Variants in ABCA8 observed in about 807,000 individuals in gnomAD.
ABCA8 encodes ABC-type organic anion transporter ABCA8.
A neutral mutation model predicts 192.3 loss-of-function variants in ABCA8; 177 were observed. That is an observed-to-expected ratio of 0.92 (90% confidence interval 0.81 to 1.04). The LOEUF is 1.04. ABCA8 is among the 50% of genes least tolerant of loss of function. The pLI, the probability that ABCA8 is intolerant of heterozygous loss-of-function variation, is 0.00. For missense variants in ABCA8, 1,915 were observed against 1,904.8 expected (o/e 1.01, Z -0.10); for synonymous variants, 642 against 690.2 (o/e 0.93, Z 1.09).
Position 68,873,808 on chromosome 17 carries a change from C to A in ABCA8, c.4631+1452G>T, listed in dbSNP as rs141654973. Among the ~76,000 whole-genome samples, 3 of 152,308 alleles carry A rather than the reference C, an allele frequency of 2.0e-5. No individual in the cohort carries two copies. In the East Asian group the frequency reaches 5.8e-4, roughly 29 times the overall value. On this transcript the variant is annotated intron_variant, in intron 37 of 39. Coordinates refer to ENST00000586539, the MANE Select transcript of ABCA8 (RefSeq NM_001288985.2). ...CAACACAATTGGTTGAAGAGACTATCCCTTCCCCATCATGTATTCTTGGCA... is the reference window on the plus strand; with the variant it reads ...CAACACAATTGGTTGAAGAGACTATACCTTCCCCATCATGTATTCTTGGCA...
In ABCA8 at chr17:68,932,390, GA is replaced by G; in HGVS notation, c.694del (p.Ser232HisfsTer20). On this transcript the variant is annotated frameshift_variant, in exon 7 of 40. Transcript: ENST00000586539. LOFTEE classifies it high-confidence loss of function. ...TDLYLFSCIISFSSFIYYASV... is the reference protein window; with the variant it reads ...TDLYLFSCIIXFSSFIYYASV... ...TGCATAGTAAATGAATGAGGAAAATGAAATAATGCAGGAAAAAAGGTACAAA... is the reference window on the plus strand; with the variant it reads ...TGCATAGTAAATGAATGAGGAAAATGAATAATGCAGGAAAAAAGGTACAAA... 23 of 1,613,888 alleles carry G rather than the reference GA, an allele frequency of 1.4e-5. No individual in the cohort carries two copies. Among genetic ancestry groups the G allele is most frequent in the Non-Finnish European group, 1.8e-5 (21 of 1,179,802 alleles).
chr17:68,875,350 A>C lies in ABCA8; in HGVS notation c.4541T>G (p.Leu1514Arg), dbSNP rs1184566616. The C allele has an allele frequency of 6.2e-7, 1 of 1,614,172 alleles. No homozygotes were observed. Among genetic ancestry groups the C allele is most frequent in the Admixed American group, 1.7e-5 (1 of 60,016 alleles). Residue 1514 changes from leucine (L) to arginine (R), a missense_variant, in exon 37 of 40, where the codon CTG becomes CGG. By Grantham distance (102) the Leu-to-Arg change is moderately radical. Coordinates refer to ENST00000586539, the MANE Select transcript of ABCA8 (RefSeq NM_001288985.2). ...HLKSKFGKDY[L>R]LEMKVKNLAQ... ...CAGGTTCTTCACCTTCATCTCCAGC[A>C]GGTAATCTTTGCCAAATTTGCTTTT...
At chr17:68,924,992 G>T in intron 10 of ABCA8, 123 bp from the exon 11 acceptor site, 1 of 921,206 alleles carries the variant, frequency 1.1e-6, no homozygotes, top group Non-Finnish European at 1.6e-6. Flanking sequence ...TCAACAGCAG[G>T]TAATGCACGT....
intron 2 of ABCA8, chr17:68,945,025 A>G (rs932212490): frequency 2.0e-5 from 3 of 152,236 alleles, no homozygotes; most frequent in Non-Finnish European, 4.4e-5. Context: ...CCTCCTGCCC[A>G]TATCTCAAGC....
chr17:68,887,606 A>T (rs1239842175), intron 24 of ABCA8, 100 bp from the exon 25 acceptor site: 2 of 1,026,794 alleles, frequency 1.9e-6, no homozygotes, highest in African/African-American at 3.2e-5. Context: ...ACAATTCTAG[A>T]TTATGTCTAC....
Position 68,932,142 on chromosome 17 carries a change from G to C in ABCA8, c.797+146C>G, listed in dbSNP as rs548361416. 3.0e-5 allele frequency: 17 copies of C among 575,684 alleles called. No individual in the cohort carries two copies. In the East Asian group the frequency reaches 5.2e-4, roughly 18 times the overall value. 35.7% of individuals were successfully genotyped at this position (575,684 alleles called of 1,614,324 possible). A position where few individuals can be genotyped will look rare whatever the true frequency, so the allele number is the denominator to read the frequency against. ...GGAGAATGGCGTGAACCTGTGAGGC[G>C]GAGCTTGCAGTGAGCTGAGATCACG... On this transcript the variant is annotated intron_variant, in intron 7 of 39. Coordinates refer to ENST00000586539, the MANE Select transcript of ABCA8 (RefSeq NM_001288985.2).
chr17:68,873,653 T>C (rs1453562739), intron 37 of ABCA8, among the ~76,000 whole-genome samples: 2 of 152,232 alleles, frequency 1.3e-5, no homozygotes, highest in East Asian at 3.8e-4. Context: ...TTTCCTCCTA[T>C]GTTTTCTTCT....
At position 68,891,587 on chromosome 17, in the gene ABCA8, C is replaced by T. The variant is rs749781948; in HGVS notation, c.3046G>A (p.Asp1016Asn). The T allele has an allele frequency of 1.0e-4, 161 of 1,609,278 alleles. No homozygotes were observed. Among genetic ancestry groups the T allele is most frequent in the Non-Finnish European group, 1.3e-4 (155 of 1,178,462 alleles). ...TATGCCAGGAATCCGATTGGATTGT[C>T]CTGTCCATTCTGAAAAACCCAAAGA... Reference protein sequence around the residue: ...ERSTFLENGQDNPIGFLAYIM... With the variant: ...ERSTFLENGQNNPIGFLAYIM... Residue 1016 changes from aspartate to asparagine, a missense_variant, in exon 24 of 40, where the codon GAC (aspartate) becomes AAC (asparagine). Physicochemically the swap from Asp to Asn is conservative, Grantham distance 23 (BLOSUM62 1). Transcript: ENST00000586539.
intron 21 of ABCA8, among the ~76,000 whole-genome samples, chr17:68,895,980 C>A (rs1425693196): frequency 6.6e-6 from 1 of 152,146 alleles, no homozygotes; most frequent in Non-Finnish European, 1.5e-5. Context: ...CCACCCCTGC[C>A]AAGTACCCTG....
Position 68,906,059 on chromosome 17 carries a change from T to A in ABCA8, c.2383A>T (p.Thr795Ser). 1 of 1,588,166 alleles carries A rather than the reference T, an allele frequency of 6.3e-7. No homozygotes were observed. The highest frequency in any genetic ancestry group is 8.6e-7 in the Non-Finnish European group (1 of 1,169,410). ...EVFLKLEGKS[T>S]INESDIAILG... ...TTTTATTTACCCGATTCATTAATTG[T>A]AGATTTTCCTTCTAGCTTCAGGAAT... The change falls in exon 19 of 40, where the codon ACA becomes TCA. Residue 795 changes from threonine to serine, a missense_variant. By Grantham distance (58) the Thr-to-Ser change is moderately conservative. Coordinates refer to ENST00000586539, the MANE Select transcript of ABCA8 (RefSeq NM_001288985.2).
intron 8 of ABCA8, 152 bp downstream of exon 8, chr17:68,929,409 A>G (rs1021837513): frequency 1.2e-5 from 14 of 1,145,434 alleles, no homozygotes; most frequent in Non-Finnish European, 1.6e-5. Flanking sequence ...TTGACATTAC[A>G]AAACACCTCA....
At position 68,885,261 on chromosome 17, in the gene ABCA8, GAATATC is replaced by G; in HGVS notation, c.3478_3483del (p.Asp1160_Ile1161del). ...GGTATTAAAAAAGTGAAGATAAATG[GAATATC>G]ACTTTCGAAGATACTGAACGCAAAT... On this transcript the variant is annotated inframe_deletion, in exon 27 of 40. Transcript: ENST00000586539. The G allele has an allele frequency of 6.2e-7, 1 of 1,613,024 alleles. No individual in the cohort carries two copies. Among genetic ancestry groups the G allele is most frequent in the Non-Finnish European group, 8.5e-7 (1 of 1,179,414 alleles).
At chr17:68,872,918 A>C (rs1238324255) in intron 37 of ABCA8, among the ~76,000 whole-genome samples, 1 of 152,242 alleles carries the variant, frequency 6.6e-6, no homozygotes, top group Non-Finnish European at 1.5e-5. Flanking sequence ...GTGTTACTAC[A>C]AAAAAGTTAA....
chr17:68,874,994 C>G (rs1008807598), intron 37 of ABCA8, among the ~76,000 whole-genome samples: 1 of 152,024 alleles, frequency 6.6e-6, no homozygotes, highest in African/African-American at 2.4e-5. Flanking sequence ...ATTTTTTTTA[C>G]TGGAATAGCT....
chr17:68,877,686 A>T lies in ABCA8; in HGVS notation c.4039-7T>A, dbSNP rs1437608460. On this transcript the variant is annotated splice_region_variant and splice_polypyrimidine_tract_variant and intron_variant, in intron 32 of 39. Transcript: ENST00000586539. ...CGCTCCCTTTCAGTAGCACCTGCAG[A>T]TGAAAGTTCCCTCTCAGAACCTACC... is the stretch of plus-strand genomic sequence containing the variant. 1 of 1,607,400 alleles carries T rather than the reference A, an allele frequency of 6.2e-7. No individual in the cohort carries two copies.
chr17:68,951,411 G>T (rs1419664922), intron 1 of ABCA8, among the ~76,000 whole-genome samples: 1 of 152,146 alleles, frequency 6.6e-6, no homozygotes, highest in Non-Finnish European at 1.5e-5. Context: ...ATATTTGAAA[G>T]TGTTCCACGT....
intron 5 of ABCA8, 84 bp downstream of exon 5, chr17:68,936,867 T>C: frequency 1.7e-6 from 2 of 1,205,414 alleles, no homozygotes; most frequent in South Asian, 3.7e-5. Flanking sequence ...ATGCTCTAAT[T>C]TGGCATACTA....
intron 21 of ABCA8, among the ~76,000 whole-genome samples, chr17:68,895,758 C>T (rs1374554782): frequency 6.6e-6 from 1 of 152,168 alleles, no homozygotes; most frequent in African/African-American, 2.4e-5. Flanking sequence ...TTTCTCATTT[C>T]CCCACATCTG....
At chr17:68,909,400 G>A (rs933983609) in intron 17 of ABCA8, among the ~76,000 whole-genome samples, 2 of 152,160 alleles carry the variant, frequency 1.3e-5, no homozygotes, top group Non-Finnish European at 2.9e-5. Context: ...GAGGAAGTAG[G>A]CTGGATGTGG....
Sources: gnomAD v4.1 joint callset for allele counts (sites outside exome capture counted in the v4.1 genomes callset) on GRCh38, gnomAD v4.1.1 for gene constraint, MANE v1.5 for transcripts, NCBI Gene and HGNC (gene_info 2026-07-23, HGNC 2026-07-21) for gene names.